Variants in ZCCHC4 observed in about 807,000 individuals in gnomAD.
ZCCHC4 encodes the protein rRNA N(6)-adenosine-methyltransferase ZCCHC4.
ZCCHC4 carries 54 observed loss-of-function variants against 67.7 expected under a neutral mutation model. The observed-to-expected ratio is 0.80, with a 90% CI of 0.64 to 1.00. The LOEUF is 1.00. Among genes scored for constraint, ZCCHC4 ranks in the 50% least tolerant of loss-of-function variants. The probability of loss-of-function intolerance (pLI) is 0.00; values close to 1 mark genes in which losing one functional copy is unlikely to be tolerated. For synonymous variants in ZCCHC4, 198 were observed against 213.5 expected, an observed-to-expected ratio of 0.93 and a Z score of 0.63; for missense variants, 609 against 617.0, an observed-to-expected ratio of 0.99 and a Z score of 0.14.
chr4:25,336,726 A>G (rs900411571), intron 5 of ZCCHC4, among the ~76,000 whole-genome samples: 1 of 152,182 alleles, frequency 6.6e-6, no homozygotes, highest in Non-Finnish European at 1.5e-5. Flanking sequence ...ACCTCAAGTG[A>G]TCTACTTCCC....
In ZCCHC4 at chr4:25,314,068, G is replaced by C; in HGVS notation, c.150G>C (p.Lys50Asn). 1.9e-6 allele frequency: 3 copies of C among 1,587,224 alleles called. No individual in the cohort carries two copies. The highest frequency in any genetic ancestry group is 2.6e-6 in the Non-Finnish European group (3 of 1,161,780). ...TAGGACCCACTCTTCTGTTTGTAAAGGTGACCCAAGGGAAAGAAGAAACTC... is the reference window on the plus strand; with the variant it reads ...TAGGACCCACTCTTCTGTTTGTAAACGTGACCCAAGGGAAAGAAGAAACTC... ...CPHGPTLLFVKVTQGKEETRR... is the reference protein window; with the variant it reads ...CPHGPTLLFVNVTQGKEETRR... The change falls in exon 2 of 13, where the codon AAG (lysine) becomes AAC (asparagine). Residue 50 changes from lysine (K) to asparagine (N), a missense_variant. Lys to Asn is a moderately conservative substitution (Grantham distance 94). Transcript: ENST00000302874.
intron 8 of ZCCHC4, among the ~76,000 whole-genome samples, chr4:25,353,628 A>G (rs996475163): frequency 1.3e-5 from 2 of 152,214 alleles, no homozygotes; most frequent in African/African-American, 2.4e-5. Context: ...TATATGTCAA[A>G]TGGATAACTG....
At chr4:25,327,430 CTCCTTCCT>C (rs1349276351) in intron 3 of ZCCHC4, among the ~76,000 whole-genome samples, 2 of 146,856 alleles carry the variant, frequency 1.4e-5, no homozygotes, top group Non-Finnish European at 3.0e-5. Context: ...CCCTCCTTCC[CTCCTTCCT>C]TCCGTTCCTT....
In ZCCHC4 at chr4:25,369,152, T is replaced by G. The variant is rs1202728553; in HGVS notation, c.1530T>G (p.Tyr510Ter). Residue 510 changes from tyrosine (Y) to a stop codon, truncating the protein, a stop_gained, in exon 13 of 13, where the codon TAT becomes TAG. Coordinates refer to ENST00000302874, the MANE Select transcript of ZCCHC4 (RefSeq NM_024936.3). LOFTEE classifies it high-confidence loss of function. ...AAAGGAGGGAAAGAGCCCATCAATA[T>G]CTTGGCTCTTAAATGTCCAGTGACT... ...RKKRRERAHQYLGS is the reference protein window; with the variant it reads ...RKKRRERAHQ The G allele has an allele frequency of 6.2e-7, 1 of 1,611,684 alleles. No homozygotes were observed. Among genetic ancestry groups the G allele is most frequent in the Non-Finnish European group, 8.5e-7 (1 of 1,179,484 alleles).
chr4:25,341,848 A>G (rs891703286), intron 5 of ZCCHC4, among the ~76,000 whole-genome samples: 1 of 152,192 alleles, frequency 6.6e-6, no homozygotes, highest in Non-Finnish European at 1.5e-5. Flanking sequence ...GCCTGATTTA[A>G]TTTGAAAGAT....
chr4:25,333,133 A>G, intron 3 of ZCCHC4, 50 bp from the exon 4 acceptor site: 2 of 1,563,996 alleles, frequency 1.3e-6, no homozygotes, highest in Non-Finnish European at 8.7e-7. Context: ...CATTGTGTTT[A>G]CAACAATAAA....
At chr4:25,317,704 CAAAAA>C (rs778867924) in intron 3 of ZCCHC4, among the ~76,000 whole-genome samples, 1 of 72,350 alleles carries the variant, frequency 1.4e-5, no homozygotes, top group Non-Finnish European at 2.6e-5. Flanking sequence ...GACGCTGTCA[CAAAAA>C]AAAAAAAAAA....
intron 3 of ZCCHC4, among the ~76,000 whole-genome samples, chr4:25,316,162 T>C (rs1275380380): frequency 6.6e-6 from 1 of 152,248 alleles, no homozygotes; most frequent in Non-Finnish European, 1.5e-5. Context: ...AGAACTGTAT[T>C]CCTTTTTACA....
chr4:25,315,507 G>C (rs1284502623), intron 3 of ZCCHC4, 107 bp downstream of exon 3: 1 of 781,526 alleles, frequency 1.3e-6, no homozygotes, highest in Non-Finnish European at 1.9e-6. Context: ...TTTTATTGTA[G>C]TTACATATAT....
chr4:25,344,124 A>G (rs1719882278), intron 5 of ZCCHC4, among the ~76,000 whole-genome samples: 1 of 152,174 alleles, frequency 6.6e-6, no homozygotes, highest in Admixed American at 6.5e-5. Flanking sequence ...AGAAAGTTCC[A>G]CCTTATAAGT....
Position 25,314,181 on chromosome 4 carries a change from G to T in ZCCHC4, c.246+17G>T. On this transcript the variant is annotated intron_variant, in intron 2 of 12. Coordinates refer to ENST00000302874, the MANE Select transcript of ZCCHC4 (RefSeq NM_024936.3). ...GATGAAAAGGTATATCAACTTTTTG[G>T]ATATTTATTTTTTATTTTTGGTATG... is the stretch of plus-strand genomic sequence containing the variant. 6.6e-7 allele frequency: 1 copy of T among 1,520,690 alleles called. No individual in the cohort carries two copies. Among genetic ancestry groups the T allele is most frequent in the South Asian group, 1.2e-5 (1 of 84,704 alleles). The allele number at this position is 1,520,690 out of a possible 1,614,324, so 94.2% of individuals were successfully genotyped here. A position where few individuals can be genotyped will look rare whatever the true frequency, so the allele number is the denominator to read the frequency against.
intron 8 of ZCCHC4, chr4:25,351,992 T>A: frequency 9.6e-7 from 1 of 1,041,458 alleles, no homozygotes; most frequent in South Asian, 4.5e-5. Flanking sequence ...AGCGGCTGAT[T>A]TAGTCTTTCA....
rs1176963911 is a variant in ZCCHC4, at chr4:25,362,312, C to G, written c.1209+11C>G. On this transcript the variant is annotated intron_variant, in intron 10 of 12. Transcript: ENST00000302874. ...TCTTGCACATCCAAGGTATGGTGTTCTTATAGAATGTATTTTTATTTAGAT... is the reference window on the plus strand; with the variant it reads ...TCTTGCACATCCAAGGTATGGTGTTGTTATAGAATGTATTTTTATTTAGAT... 4.0e-5 allele frequency: 61 copies of G among 1,531,984 alleles called. No individual in the cohort carries two copies. Among genetic ancestry groups the G allele is most frequent in the Non-Finnish European group, 4.6e-5 (52 of 1,129,190 alleles). The allele number at this position is 1,531,984 out of a possible 1,614,324, so 94.9% of individuals were successfully genotyped here.
chr4:25,316,154 A>G (rs886255801), intron 3 of ZCCHC4, among the ~76,000 whole-genome samples: 1 of 152,246 alleles, frequency 6.6e-6, no homozygotes, highest in African/African-American at 2.4e-5. Context: ...CATGTATCAG[A>G]ACTGTATTCC....
intron 12 of ZCCHC4, among the ~76,000 whole-genome samples, chr4:25,366,847 CTAATA>C (rs1368928335): frequency 6.6e-6 from 1 of 152,042 alleles, no homozygotes; most frequent in African/African-American, 2.4e-5. Flanking sequence ...GTGTTTGGCA[CTAATA>C]TACTATTTCA....
chr4:25,314,627 C>A (rs1718154438), intron 2 of ZCCHC4, among the ~76,000 whole-genome samples: 1 of 152,148 alleles, frequency 6.6e-6, no homozygotes. Context: ...AGGAAGCAAG[C>A]ACTGTCTGTC....
At chr4:25,318,952 C>G (rs1043454985) in intron 3 of ZCCHC4, among the ~76,000 whole-genome samples, 1 of 152,130 alleles carries the variant, frequency 6.6e-6, no homozygotes, top group African/African-American at 2.4e-5. Flanking sequence ...GTCATTCATT[C>G]ACTCATTCAT....
intron 3 of ZCCHC4, among the ~76,000 whole-genome samples, chr4:25,329,533 C>CTTTTTTTT (rs56340221): frequency 7.9e-6 from 1 of 127,122 alleles, no homozygotes; most frequent in Non-Finnish European, 1.6e-5. Context: ...TTATATTTTC[C>CTTTTTTTT]TTTTTTTTTT....
At chr4:25,313,533 A>G (rs1161410096) in intron 1 of ZCCHC4, among the ~76,000 whole-genome samples, 1 of 152,222 alleles carries the variant, frequency 6.6e-6, no homozygotes, top group Non-Finnish European at 1.5e-5. Flanking sequence ...AAAATTATTT[A>G]TAAGTAGTCA....
Sources: gnomAD v4.1 joint callset for allele counts (sites outside exome capture counted in the v4.1 genomes callset) on GRCh38, gnomAD v4.1.1 for gene constraint, MANE v1.5 for transcripts, NCBI Gene and HGNC (gene_info 2026-07-23, HGNC 2026-07-21) for gene names.